Variants in MED12L observed in about 807,000 individuals in gnomAD.
MED12L encodes the protein mediator of RNA polymerase II transcription subunit 12-like protein.
A neutral mutation model predicts 281.3 loss-of-function variants in MED12L; 60 were observed. The observed-to-expected ratio is 0.21, with a 90% CI of 0.17 to 0.26. The LOEUF (loss-of-function observed/expected upper bound fraction) is 0.26. MED12L is among the 10% of genes least tolerant of loss of function. The probability of loss-of-function intolerance (pLI) is 1.00; values close to 1 mark genes in which losing one functional copy is unlikely to be tolerated. For missense variants in MED12L, 2,146 were observed against 2,680.9 expected (o/e 0.80, Z 4.41); for synonymous variants, 974 against 987.2 (o/e 0.99, Z 0.25).
Position 151,203,597 on chromosome 3 carries a change from CCTG to C in MED12L, c.2250+9935_2250+9937del, listed in dbSNP as rs576774510. ...TTAAAAAATAGTTGCAGTTTTTATT[CCTG>C]CTGAGACACCTATTATTAAAAAAAG... is the stretch of plus-strand genomic sequence containing the variant. On this transcript the variant is annotated intron_variant, in intron 16 of 44. Coordinates refer to ENST00000687756, the MANE Select transcript of MED12L (RefSeq NM_001393769.1). Among the ~76,000 whole-genome samples the C allele has an allele frequency of 1.7e-3, 259 of 151,676 alleles. 1 individual carries two copies. The highest frequency in any genetic ancestry group is 5.7e-3 in the African/African-American group (236 of 41,394).
In MED12L at chr3:151,269,266, G is replaced by A. The variant is rs545972196; in HGVS notation, c.2250+75600G>A. ...AAATACAAAATTAGCCAGGTGTGGT[G>A]GTGCATGCCTGTAATCCCAGCTACT... On this transcript the variant is annotated intron_variant, in intron 16 of 44. Transcript: ENST00000687756. 5.9e-5 allele frequency among the ~76,000 whole-genome samples: 9 copies of A among 152,154 alleles called. No homozygotes were observed. In the South Asian group the frequency reaches 1.9e-3, roughly 32 times the overall value.
intron 16 of MED12L, among the ~76,000 whole-genome samples, chr3:151,309,903 A>G (rs1465009584): frequency 6.6e-6 from 1 of 152,112 alleles, no homozygotes; most frequent in Non-Finnish European, 1.5e-5. Context: ...TATTTTTAAC[A>G]ATTTTTTTTT....
At chr3:151,402,081 GTACC>G (rs1214679348) in intron 39 of MED12L, among the ~76,000 whole-genome samples, 1 of 152,194 alleles carries the variant, frequency 6.6e-6, no homozygotes, top group Non-Finnish European at 1.5e-5. Context: ...AATCAATTAT[GTACC>G]TATATGTAAA....
At chr3:151,101,471 A>G (rs1256199372) in intron 2 of MED12L, among the ~76,000 whole-genome samples, 2 of 152,134 alleles carry the variant, frequency 1.3e-5, no homozygotes, top group Admixed American at 6.6e-5. Flanking sequence ...CCCATGCTGT[A>G]AACATTCTGC....
At chr3:151,331,428 C>A (rs970676836) in intron 16 of MED12L, among the ~76,000 whole-genome samples, 5 of 152,078 alleles carry the variant, frequency 3.3e-5, no homozygotes, top group Non-Finnish European at 5.9e-5. Flanking sequence ...GAAATGGTTG[C>A]CTTATCTTTA....
At chr3:151,307,044 A>T (rs1746751930) in intron 16 of MED12L, among the ~76,000 whole-genome samples, 2 of 152,200 alleles carry the variant, frequency 1.3e-5, no homozygotes, top group South Asian at 4.1e-4. Context: ...AGAGATATTG[A>T]TGTAGTTCCT....
intron 16 of MED12L, among the ~76,000 whole-genome samples, chr3:151,309,945 G>A (rs927071324): frequency 2.0e-5 from 3 of 152,072 alleles, no homozygotes; most frequent in Non-Finnish European, 4.4e-5. Context: ...TACAACCCAG[G>A]GAGGGGTGGA....
chr3:151,436,569 C>T lies in MED12L; in HGVS notation c.*3765C>T. 2 of 660,412 alleles carry T rather than the reference C, an allele frequency of 3.0e-6. No homozygotes were observed. Among genetic ancestry groups the T allele is most frequent in the Non-Finnish European group, 5.1e-6 (2 of 391,646 alleles). 40.9% of individuals were successfully genotyped at this position (660,412 alleles called of 1,614,324 possible). On this transcript the variant is annotated 3_prime_UTR_variant, in exon 45 of 45. Transcript: ENST00000687756. Reference sequence around the variant, plus strand: ...TACAAGTCCTTTTATTTTGCATGTTCATTGTAAATTTAATACTGTAAATGT... The same window carrying T: ...TACAAGTCCTTTTATTTTGCATGTTTATTGTAAATTTAATACTGTAAATGT...
intron 2 of MED12L, among the ~76,000 whole-genome samples, chr3:151,092,522 AC>A (rs769530953): frequency 1.3e-5 from 2 of 152,258 alleles, no homozygotes; most frequent in Non-Finnish European, 2.9e-5. Flanking sequence ...AGTATTTATA[AC>A]ATTTAACTAT....
intron 16 of MED12L, among the ~76,000 whole-genome samples, chr3:151,334,192 C>CTTTTTTTTTTTTTTTTTTTTTT (rs71848482): frequency 1.0e-4 from 10 of 99,448 alleles, no homozygotes; most frequent in South Asian, 3.7e-4. Context: ...TTCTTTCTTT[C>CTTTTTTTTTTTTTTTTTTTTTT]TTTCTTTTTT....
chr3:151,186,950 G>C (rs956816028), intron 12 of MED12L, among the ~76,000 whole-genome samples: 1 of 152,168 alleles, frequency 6.6e-6, no homozygotes, highest in Non-Finnish European at 1.5e-5. Flanking sequence ...GACTGGATGA[G>C]CCTTAGCTGG....
chr3:151,203,333 A>T (rs935975272), intron 16 of MED12L: 2 of 152,006 alleles, frequency 1.3e-5, no homozygotes, highest in Admixed American at 1.3e-4. Context: ...TTTTTAATGT[A>T]TACAATTTCA....
chr3:151,203,338 A>G (rs1242595713), intron 16 of MED12L: 1 of 151,750 alleles, frequency 6.6e-6, no homozygotes, highest in Admixed American at 6.6e-5. Context: ...AATGTATACA[A>G]TTTCATGTAT....
At chr3:151,375,416 T>C (rs1489335131) in intron 27 of MED12L, among the ~76,000 whole-genome samples, 3 of 152,156 alleles carry the variant, frequency 2.0e-5, no homozygotes, top group Non-Finnish European at 4.4e-5. Flanking sequence ...GGAGTTTAAA[T>C]TGGTAGAAAC....
intron 2 of MED12L, among the ~76,000 whole-genome samples, chr3:151,112,942 C>T (rs888860470): frequency 2.0e-5 from 3 of 152,202 alleles, no homozygotes; most frequent in African/African-American, 7.2e-5. Context: ...ATTTGCCAGG[C>T]ACTGCATCTG....
chr3:151,161,386 C>G (rs1475768166), intron 8 of MED12L, among the ~76,000 whole-genome samples: 1 of 152,074 alleles, frequency 6.6e-6, no homozygotes, highest in Non-Finnish European at 1.5e-5. Flanking sequence ...TGTTCAAAAA[C>G]CCAAGAGGGA....
Position 151,390,097 on chromosome 3 carries a change from A to C in MED12L, c.5570A>C (p.Gln1857Pro), listed in dbSNP as rs1436212055. Reference protein sequence around the residue: ...WGYNLVGQPQQPGFFLQNQSL... With the variant: ...WGYNLVGQPQPPGFFLQNQSL... ...TACAACCTCGTGGGCCAGCCCCAGC[A>C]GCCCGGCTTTTTCCTTCAGAACCAA... The change falls in exon 38 of 45, where the codon CAG becomes CCG. Residue 1857 changes from glutamine (Q) to proline (P), a missense_variant. By Grantham distance (76) the Gln-to-Pro change is moderately conservative. Around this residue, in one of 9 missense-constraint regions of MED12L, gnomAD observed 496 missense variants for 512.0 expected, o/e 0.97. Transcript: ENST00000687756. 1.2e-6 allele frequency: 2 copies of C among 1,614,158 alleles called. No homozygotes were observed. Among genetic ancestry groups the C allele is most frequent in the South Asian group, 2.2e-5 (2 of 91,090 alleles).
At chr3:151,297,405 G>A (rs545657269) in intron 16 of MED12L, among the ~76,000 whole-genome samples, 5 of 151,544 alleles carry the variant, frequency 3.3e-5, no homozygotes, top group African/African-American at 1.2e-4. Flanking sequence ...CATCTAACCT[G>A]GGATAGAACT....
intron 11 of MED12L, among the ~76,000 whole-genome samples, chr3:151,182,326 G>T (rs1268366314): frequency 1.3e-5 from 2 of 150,112 alleles, no homozygotes; most frequent in African/African-American, 5.0e-5. Flanking sequence ...TAGGATTTCT[G>T]TAAGTGGGCC....
Sources: gnomAD v4.1 joint callset for allele counts (sites outside exome capture counted in the v4.1 genomes callset) on GRCh38, gnomAD v4.1.1 for gene constraint, gnomAD v4.1.1 regional missense constraint, MANE v1.5 for transcripts, NCBI Gene and HGNC (gene_info 2026-07-23, HGNC 2026-07-21) for gene names.